Variants in TMEM229B observed in about 807,000 individuals in gnomAD.
TMEM229B encodes the protein transmembrane protein 229B.
A neutral mutation model predicts 13.7 loss-of-function variants in TMEM229B; 6 were observed. The ratio of observed to expected loss-of-function variants is 0.44; its 90% CI spans 0.24 to 0.86. The LOEUF (loss-of-function observed/expected upper bound fraction) is 0.86. Among genes scored for constraint, TMEM229B ranks in the 40% least tolerant of loss-of-function variants. The probability of loss-of-function intolerance (pLI) is 0.23; values close to 1 mark genes in which losing one functional copy is unlikely to be tolerated. For missense variants in TMEM229B, 170 were observed against 236.0 expected, an observed-to-expected ratio of 0.72 and a Z score of 1.83; for synonymous variants, 107 against 102.1, an observed-to-expected ratio of 1.05 and a Z score of -0.29.
At chr14:67,477,617 A>G (rs1212597572) in intron 2 of TMEM229B, among the ~76,000 whole-genome samples, 1 of 151,928 alleles carries the variant, frequency 6.6e-6, no homozygotes, top group Non-Finnish European at 1.5e-5. Context: ...CAGGCATCCC[A>G]AACTCCTTTC....
chr14:67,503,101 G>A (rs573459724), intron 1 of TMEM229B, among the ~76,000 whole-genome samples: 2 of 152,254 alleles, frequency 1.3e-5, no homozygotes, highest in South Asian at 2.1e-4. Flanking sequence ...GGCGCTGCAC[G>A]GAGAGATCAG....
chr14:67,522,672 T>C (rs770189922), intron 1 of TMEM229B, among the ~76,000 whole-genome samples: 4 of 152,058 alleles, frequency 2.6e-5, no homozygotes, highest in Non-Finnish European at 5.9e-5. Flanking sequence ...AGGTCCTGGG[T>C]TGGGGTAGAC....
chr14:67,473,935 G>A lies in TMEM229B; in HGVS notation c.-12C>T. 1 of 1,591,792 alleles carries A rather than the reference G, an allele frequency of 6.3e-7. No homozygotes were observed. Among genetic ancestry groups the A allele is most frequent in the South Asian group, 1.1e-5 (1 of 87,756 alleles). On this transcript the variant is annotated 5_prime_UTR_variant, in exon 3 of 3. Transcript: ENST00000554480. The surrounding 1 kb of genome is among the most constrained non-coding windows in gnomAD (Gnocchi z 6.5). ...TCGGCAGACGCCATGGCGCCGACTG[G>A]GGCTGGCTGCGGGGGGCGCAAGAGA...
upstream of TMEM229B, among the ~76,000 whole-genome samples, chr14:67,490,962 C>T (rs2032145993): frequency 6.6e-6 from 1 of 152,208 alleles, no homozygotes; most frequent in Admixed American, 6.5e-5. Context: ...GGGTCTCCTA[C>T]AGTTCATTTA....
At chr14:67,517,183 CT>C (rs1302729638), upstream of TMEM229B, among the ~76,000 whole-genome samples, 2 of 152,184 alleles carry the variant, frequency 1.3e-5, no homozygotes, top group Non-Finnish European at 2.9e-5. Context: ...GCAGCAAGGC[CT>C]ACCTGATGAA....
rs140737799 is a variant in TMEM229B, at chr14:67,506,650, T to C, written c.-192+8436A>G. On this transcript the variant is annotated intron_variant, in intron 1 of 2. Transcript: ENST00000357461. Reference sequence around the variant, plus strand: ...CTCCTCAACCTTGAATATGATGAAATGAAAATAGAAGGAATGAAAGAATCC... The same window carrying C: ...CTCCTCAACCTTGAATATGATGAAACGAAAATAGAAGGAATGAAAGAATCC... 5.3e-3 allele frequency among the ~76,000 whole-genome samples: 802 copies of C among 152,128 alleles called. 13 individuals carry two copies. The highest frequency in any genetic ancestry group is 4.0e-3 in the Non-Finnish European group (270 of 67,990).
chr14:67,514,695 G>A (rs1181697732), intron 1 of TMEM229B, among the ~76,000 whole-genome samples: 1 of 151,984 alleles, frequency 6.6e-6, no homozygotes, highest in Non-Finnish European at 1.5e-5. Context: ...TGCTGAGGTG[G>A]CCTCCTGGGT....
rs144035839 is a variant in TMEM229B at position 67,509,284 on chromosome 14, C to T, written c.-192+5802G>A. 2.2e-3 allele frequency among the ~76,000 whole-genome samples: 329 copies of T among 151,904 alleles called. 1 individual carries two copies. The highest frequency in any genetic ancestry group is 3.8e-3 in the Non-Finnish European group (259 of 67,958). ...TTCAAACAAGAATCTGTACTTCTGT[C>T]TCCTTTTAACTAGTTGTGTTTAATC... On this transcript the variant is annotated intron_variant, in intron 1 of 2. Transcript: ENST00000357461.
At position 67,497,189 on chromosome 14, in the gene TMEM229B, C is replaced by T. The variant is rs528260511; in HGVS notation, c.-191-10017G>A. Among the ~76,000 whole-genome samples, 29 of 152,164 alleles carry T rather than the reference C, an allele frequency of 1.9e-4. No individual in the cohort carries two copies. The South Asian group carries it at 3.7e-3, about 20-fold the overall frequency. On this transcript the variant is annotated intron_variant, in intron 1 of 2. Coordinates refer to the TMEM229B transcript ENST00000357461. ...GAGCTCGTGGGTGGTGTATATGCTG[C>T]GGGCACACACGAATGCCCTGGGTTG...
intron 2 of TMEM229B, among the ~76,000 whole-genome samples, chr14:67,484,065 G>C (rs1024285939): frequency 1.3e-5 from 2 of 152,218 alleles, no homozygotes; most frequent in Admixed American, 6.5e-5. Flanking sequence ...TCTCAGCTGA[G>C]CTGTCATATC....
intron 1 of TMEM229B, among the ~76,000 whole-genome samples, chr14:67,501,661 G>A (rs1291822866): frequency 6.6e-6 from 1 of 152,226 alleles, no homozygotes; most frequent in Non-Finnish European, 1.5e-5. Context: ...TATGTTTGAA[G>A]AGCCCAAAGA....
At chr14:67,500,813 C>T (rs1219310264) in intron 1 of TMEM229B, among the ~76,000 whole-genome samples, 5 of 151,718 alleles carry the variant, frequency 3.3e-5, no homozygotes, top group African/African-American at 9.7e-5. Context: ...ACTTGTGATC[C>T]GCCCGCCTCG....
intron 1 of TMEM229B, among the ~76,000 whole-genome samples, chr14:67,496,573 A>T (rs1157820775): frequency 4.0e-5 from 6 of 151,254 alleles, no homozygotes; most frequent in Non-Finnish European, 8.8e-5. Flanking sequence ...GCTGGAAGAG[A>T]AGTAGACGTG....
intron 1 of TMEM229B, among the ~76,000 whole-genome samples, chr14:67,527,994 C>T (rs2033393321): frequency 6.6e-6 from 1 of 152,180 alleles, no homozygotes; most frequent in Non-Finnish European, 1.5e-5. Context: ...CCACGCTCTC[C>T]CTCTCCTACA....
chr14:67,480,224 C>G (rs2031499276), intron 2 of TMEM229B, among the ~76,000 whole-genome samples: 1 of 152,130 alleles, frequency 6.6e-6, no homozygotes, highest in Admixed American at 6.5e-5. Flanking sequence ...GTCACTGTGC[C>G]CCTGCTCTCG....
chr14:67,483,672 C>T (rs1365932052), intron 2 of TMEM229B, among the ~76,000 whole-genome samples: 3 of 152,232 alleles, frequency 2.0e-5, no homozygotes, highest in African/African-American at 7.2e-5. Context: ...GGCCCCAAGG[C>T]ATGCGCCATT....
chr14:67,499,384 A>G (rs894101074), intron 1 of TMEM229B, among the ~76,000 whole-genome samples: 9 of 152,136 alleles, frequency 5.9e-5, no homozygotes, highest in African/African-American at 2.2e-4. Context: ...TCAGTTTGGC[A>G]CCTTTGGGAA....
At chr14:67,523,685 G>A (rs1338550219) in intron 1 of TMEM229B, among the ~76,000 whole-genome samples, 1 of 152,190 alleles carries the variant, frequency 6.6e-6, no homozygotes, top group Non-Finnish European at 1.5e-5. Flanking sequence ...TCTGGCTTTG[G>A]CTCAAGATTG....
At chr14:67,475,878 G>C (rs370525205) in intron 2 of TMEM229B, among the ~76,000 whole-genome samples, 1 of 152,222 alleles carries the variant, frequency 6.6e-6, no homozygotes, top group Non-Finnish European at 1.5e-5. Flanking sequence ...TTTGAGGTAT[G>C]TGCTCTCATG....
Sources: allele counts gnomAD v4.1 joint callset (sites outside exome capture counted in the v4.1 genomes callset), GRCh38; gene constraint gnomAD v4.1.1; non-coding constraint Gnocchi (gnomAD v3.1); transcripts MANE v1.5; gene names NCBI Gene and HGNC (gene_info 2026-07-23, HGNC 2026-07-21).